BABAM2: variants seen among roughly 807,000 people sequenced by gnomAD.
BABAM2 encodes BRISC and BRCA1-A complex member 2.
BABAM2 carries 31 observed loss-of-function variants against 54.7 expected under a neutral mutation model. The observed-to-expected ratio is 0.57, with a 90% CI of 0.43 to 0.77. BABAM2 has a LOEUF of 0.77. Ranked by LOEUF, BABAM2 falls within the 30% of genes least tolerant of loss-of-function variation. The pLI is 0.00. For synonymous variants in BABAM2, 167 were observed against 162.9 expected, an observed-to-expected ratio of 1.03 and a Z score of -0.19; for missense variants, 364 against 455.8, an observed-to-expected ratio of 0.80 and a Z score of 1.83.
intron 6 of BABAM2, among the ~76,000 whole-genome samples, chr2:28,094,944 T>C (rs1008422104): frequency 6.6e-6 from 1 of 151,700 alleles, no homozygotes; most frequent in Non-Finnish European, 1.5e-5. Context: ...ATTAGTCTAT[T>C]ATGTGTTGTA....
chr2:28,303,582 A>G (rs921454579), intron 11 of BABAM2, among the ~76,000 whole-genome samples: 3 of 152,170 alleles, frequency 2.0e-5, no homozygotes, highest in African/African-American at 7.2e-5. Flanking sequence ...AGGTATACCA[A>G]TATTTCTTGA....
At chr2:27,953,410 T>C (rs1433428364) in intron 3 of BABAM2, among the ~76,000 whole-genome samples, 1 of 152,078 alleles carries the variant, frequency 6.6e-6, no homozygotes, top group African/African-American at 2.4e-5. Flanking sequence ...CTTGAATTCT[T>C]GGGCTCAAGT....
chr2:28,162,925 T>G (rs965072788), intron 7 of BABAM2, among the ~76,000 whole-genome samples: 5 of 152,234 alleles, frequency 3.3e-5, no homozygotes, highest in Non-Finnish European at 7.3e-5. Flanking sequence ...CTGCTAGATG[T>G]CAGTTTTTTT....
intron 10 of BABAM2, among the ~76,000 whole-genome samples, chr2:28,276,035 A>G (rs1286450611): frequency 6.6e-6 from 1 of 152,064 alleles, no homozygotes; most frequent in Non-Finnish European, 1.5e-5. Flanking sequence ...AGAAAGAAAA[A>G]AATGGGACTA....
At chr2:28,135,902 C>A (rs1670493085) in intron 7 of BABAM2, among the ~76,000 whole-genome samples, 1 of 152,136 alleles carries the variant, frequency 6.6e-6, no homozygotes, top group Non-Finnish European at 1.5e-5. Flanking sequence ...TTCAGTTTAT[C>A]CATGTGGAAC....
intron 2 of BABAM2, among the ~76,000 whole-genome samples, chr2:27,912,757 A>G (rs1666697917): frequency 6.6e-6 from 1 of 152,214 alleles, no homozygotes; most frequent in Non-Finnish European, 1.5e-5. Context: ...ATTTATTAAT[A>G]TCTTCTTGCA....
intron 11 of BABAM2, among the ~76,000 whole-genome samples, chr2:28,327,665 G>A (rs766567016): frequency 2.6e-5 from 4 of 152,096 alleles, no homozygotes; most frequent in East Asian, 3.9e-4. Context: ...TATCTCAAAC[G>A]CAAGGCAGAC....
intron 11 of BABAM2, among the ~76,000 whole-genome samples, chr2:28,331,149 T>TA (rs531716451): frequency 1.1e-4 from 16 of 152,294 alleles, no homozygotes; most frequent in African/African-American, 3.6e-4. Flanking sequence ...ACCGTCTCCT[T>TA]ACACCTCATA....
chr2:28,006,041 A>G (rs185853157), intron 4 of BABAM2, among the ~76,000 whole-genome samples: 118 of 152,252 alleles, frequency 7.8e-4, no homozygotes, highest in Non-Finnish European at 1.1e-3. Context: ...TTGAATTAAG[A>G]TCTATGCATT....
intron 6 of BABAM2, among the ~76,000 whole-genome samples, chr2:28,059,211 A>G (rs1678671729): frequency 6.6e-6 from 1 of 152,206 alleles, no homozygotes; most frequent in African/African-American, 2.4e-5. Flanking sequence ...TTTATAAAAT[A>G]TTTTGAAACA....
intron 3 of BABAM2, among the ~76,000 whole-genome samples, chr2:27,946,401 C>T (rs1669300218): frequency 6.6e-6 from 1 of 152,144 alleles, no homozygotes; most frequent in Non-Finnish European, 1.5e-5. Flanking sequence ...TTGATTCACT[C>T]ATGTCTTTTT....
At chr2:28,161,362 A>G (rs1275189220) in intron 7 of BABAM2, among the ~76,000 whole-genome samples, 2 of 152,124 alleles carry the variant, frequency 1.3e-5, no homozygotes, top group African/African-American at 2.4e-5. Flanking sequence ...AGCTTGAGCC[A>G]GTTTCCAGTC....
intron 4 of BABAM2, among the ~76,000 whole-genome samples, chr2:27,990,801 G>A (rs1417221492): frequency 6.6e-6 from 1 of 151,916 alleles, no homozygotes; most frequent in African/African-American, 2.4e-5. Context: ...TAGAGAATAT[G>A]TGTAATATAT....
At chr2:28,140,396 G>T (rs150104777) in intron 7 of BABAM2, among the ~76,000 whole-genome samples, 1 of 152,074 alleles carries the variant, frequency 6.6e-6, no homozygotes, top group African/African-American at 2.4e-5. Context: ...TAGGAGAAGC[G>T]CTTGACTACA....
chr2:28,103,059 A>G (rs1190870783), intron 6 of BABAM2, among the ~76,000 whole-genome samples: 1 of 152,030 alleles, frequency 6.6e-6, no homozygotes, highest in Non-Finnish European at 1.5e-5. Flanking sequence ...TGCTGAAAGT[A>G]ATTATATGGT....
At chr2:28,336,260 T>C (rs1004269191) in intron 11 of BABAM2, among the ~76,000 whole-genome samples, 6 of 152,186 alleles carry the variant, frequency 3.9e-5, no homozygotes, top group Non-Finnish European at 8.8e-5. Flanking sequence ...TGAGGATGAA[T>C]TCACCGTAGG....
At chr2:28,020,330 T>A (rs1675157674) in intron 4 of BABAM2, among the ~76,000 whole-genome samples, 1 of 152,232 alleles carries the variant, frequency 6.6e-6, no homozygotes, top group African/African-American at 2.4e-5. Flanking sequence ...TATGCTATTA[T>A]GTTTTCTTAA....
intron 4 of BABAM2, among the ~76,000 whole-genome samples, chr2:28,003,845 A>T (rs1447027942): frequency 6.6e-6 from 1 of 152,222 alleles, no homozygotes; most frequent in Admixed American, 6.5e-5. Context: ...GTGGAGGCCA[A>T]AATGACCAAG....
intron 2 of BABAM2, among the ~76,000 whole-genome samples, chr2:27,904,268 C>T (rs530224821): frequency 5.2e-4 from 79 of 152,306 alleles, no homozygotes; most frequent in Non-Finnish European, 8.8e-4. Context: ...CCAAGGGTAA[C>T]TGAAATCACA....
Sources: allele counts gnomAD v4.1 joint callset (sites outside exome capture counted in the v4.1 genomes callset), GRCh38; gene constraint gnomAD v4.1.1; transcripts MANE v1.5; gene names NCBI Gene and HGNC (gene_info 2026-07-23, HGNC 2026-07-21).